ENAH: variants seen among roughly 807,000 people sequenced by gnomAD.
ENAH encodes the protein protein enabled homolog.
Under a neutral mutation model 78.7 loss-of-function variants are expected in ENAH, and 23 were observed. The observed-to-expected ratio is 0.29, with a 90% CI of 0.21 to 0.41. The LOEUF (loss-of-function observed/expected upper bound fraction) is 0.41, where lower values mean the gene tolerates loss of function less well. Ranked by LOEUF, ENAH falls within the 10% of genes least tolerant of loss-of-function variation. The pLI, the probability that ENAH is intolerant of heterozygous loss-of-function variation, is 1.00. For missense variants in ENAH, 544 were observed against 691.0 expected (o/e 0.79, Z 2.39); for synonymous variants, 226 against 241.0 (o/e 0.94, Z 0.58).
intron 1 of ENAH, chr1:225,581,202 T>C (rs536836202): frequency 6.5e-5 from 54 of 828,678 alleles, no homozygotes; most frequent in Non-Finnish European, 7.6e-5. Context: ...CTTAATAAAT[T>C]CTCCCATTAA....
At chr1:225,621,797 G>C (rs1657018896) in intron 1 of ENAH, among the ~76,000 whole-genome samples, 1 of 152,048 alleles carries the variant, frequency 6.6e-6, no homozygotes. Flanking sequence ...CACAGCTTCA[G>C]TTTCACCTAA....
At chr1:225,545,457 C>A (rs1427303684) in intron 3 of ENAH, among the ~76,000 whole-genome samples, 1 of 152,106 alleles carries the variant, frequency 6.6e-6, no homozygotes, top group Non-Finnish European at 1.5e-5. Flanking sequence ...TACTAAATAA[C>A]TAAATTACAT....
chr1:225,616,661 A>G (rs1655760907), intron 1 of ENAH, among the ~76,000 whole-genome samples: 2 of 152,190 alleles, frequency 1.3e-5, no homozygotes, highest in African/African-American at 4.8e-5. Flanking sequence ...CTCAAAAATC[A>G]AAAGTGATAC....
In ENAH at chr1:225,494,009, G is replaced by C. The variant is rs987467258; in HGVS notation, c.*3766C>G. On this transcript the variant is annotated 3_prime_UTR_variant, in exon 14 of 14. Transcript: ENST00000366843. ...AATGACAAGTGACTTTTAATTTGTA[G>C]ACAAAAATACTGACTTACATATGAA... is the stretch of plus-strand genomic sequence containing the variant. 3.1e-5 allele frequency: 3 copies of C among 96,972 alleles called. No individual in the cohort carries two copies. Among genetic ancestry groups the C allele is most frequent in the African/African-American group, 1.2e-4 (3 of 25,310 alleles). 6.0% of individuals were successfully genotyped at this position (96,972 alleles called of 1,614,324 possible).
intron 3 of ENAH, among the ~76,000 whole-genome samples, chr1:225,551,863 T>G (rs1194886917): frequency 6.6e-6 from 1 of 152,192 alleles, no homozygotes; most frequent in Non-Finnish European, 1.5e-5. Context: ...TTTATCAGGC[T>G]ACAGTTTGTA....
intron 1 of ENAH, among the ~76,000 whole-genome samples, chr1:225,638,675 A>C (rs1218076303): frequency 1.3e-5 from 2 of 152,226 alleles, no homozygotes; most frequent in Non-Finnish European, 2.9e-5. Context: ...TTCCAAGAGC[A>C]ATGGGAAGGC....
Position 225,640,015 on chromosome 1 carries a change from T to C in ENAH, c.5+12671A>G, listed in dbSNP as rs527977189. 2.7e-4 allele frequency among the ~76,000 whole-genome samples: 41 copies of C among 152,262 alleles called. No homozygotes were observed. The South Asian group carries it at 6.4e-3, about 24-fold the overall frequency. On this transcript the variant is annotated intron_variant, in intron 1 of 13. Coordinates refer to ENST00000366843, the MANE Select transcript of ENAH (RefSeq NM_018212.6). ...TTGGAGCTGAAAGCATTTTAACAGA[T>C]TGTAAATTAATAACTGGAGAACTAA...
intron 1 of ENAH, among the ~76,000 whole-genome samples, chr1:225,638,296 C>G (rs1274849780): frequency 6.6e-6 from 1 of 151,938 alleles, no homozygotes; most frequent in Non-Finnish European, 1.5e-5. Flanking sequence ...ATAGCTAGGA[C>G]TACAGGTGTG....
intron 11 of ENAH, among the ~76,000 whole-genome samples, chr1:225,504,829 G>A (rs2096313036): frequency 6.6e-6 from 1 of 152,052 alleles, no homozygotes; most frequent in Admixed American, 6.5e-5. Context: ...ATTTATCCTT[G>A]AATCCAACTG....
intron 3 of ENAH, among the ~76,000 whole-genome samples, chr1:225,532,855 G>A (rs1395459187): frequency 6.6e-6 from 1 of 152,072 alleles, no homozygotes; most frequent in Non-Finnish European, 1.5e-5. Flanking sequence ...CTGCAGCTGA[G>A]ATGAAAAGCT....
Position 225,488,521 on chromosome 1 carries a change from A to T in ENAH, c.*9254T>A, listed in dbSNP as rs1277608886. The T allele has an allele frequency of 6.6e-6, 1 of 150,676 alleles. No individual in the cohort carries two copies. The highest frequency in any genetic ancestry group is 2.4e-5 in the African/African-American group (1 of 40,862). The allele number at this position is 150,676 out of a possible 1,614,324, so 9.3% of individuals were successfully genotyped here. A position where few individuals can be genotyped will look rare whatever the true frequency, so the allele number is the denominator to read the frequency against. On this transcript the variant is annotated 3_prime_UTR_variant, in exon 14 of 14. Transcript: ENST00000366843. ...CTCCAGAGAGGTTTCCTCAAAAATT[A>T]AAAAAAAAATTCTATGCAAATATGT... is the stretch of plus-strand genomic sequence containing the variant.
chr1:225,591,108 A>ATAT (rs2096873384), intron 1 of ENAH, among the ~76,000 whole-genome samples: 1 of 152,244 alleles, frequency 6.6e-6, no homozygotes, highest in Non-Finnish European at 1.5e-5. Context: ...GTTGCTAAGC[A>ATAT]TATTTTGTGT....
rs1412762878 is a variant in ENAH at position 225,514,692 on chromosome 1, T to C, written c.1122A>G (p.Ala374=). ...ACATGGATGCCAAAAAGAATCCAGA[T>C]GCAGGGAGGGGTGGGGCAGGAGGTG... is the stretch of plus-strand genomic sequence containing the variant. The part of the protein sequence containing the change: ...PPPPPAPPLP[A]SGFFLASMSE... Residue 374 remains alanine (A), a synonymous_variant, in exon 7 of 14, where the codon GCA becomes GCG. Coordinates refer to ENST00000366843, the MANE Select transcript of ENAH (RefSeq NM_018212.6). 2.0e-6 allele frequency: 3 copies of C among 1,531,328 alleles called. No individual in the cohort carries two copies. The highest frequency in any genetic ancestry group is 1.1e-5 in the South Asian group (1 of 89,448). 94.9% of individuals were successfully genotyped at this position (1,531,328 alleles called of 1,614,324 possible).
At chr1:225,579,279 T>G (rs1440748249) in intron 1 of ENAH, among the ~76,000 whole-genome samples, 1 of 152,252 alleles carries the variant, frequency 6.6e-6, no homozygotes, top group Non-Finnish European at 1.5e-5. Flanking sequence ...TTTCTATTAT[T>G]TCCACATTAT....
chr1:225,516,000 C>T (rs951712343), intron 6 of ENAH, among the ~76,000 whole-genome samples: 1 of 152,156 alleles, frequency 6.6e-6, no homozygotes, highest in East Asian at 1.9e-4. Context: ...ACAGCAATAA[C>T]AAGCCTTGCA....
chr1:225,552,536 AAC>A (rs1370768983), intron 3 of ENAH, among the ~76,000 whole-genome samples: 1 of 152,232 alleles, frequency 6.6e-6, no homozygotes, highest in East Asian at 1.9e-4. Context: ...AATTTATGAA[AAC>A]AGTCATTTTC....
At chr1:225,504,088 C>G (rs944300643) in intron 11 of ENAH, among the ~76,000 whole-genome samples, 2 of 151,806 alleles carry the variant, frequency 1.3e-5, no homozygotes, top group African/African-American at 4.8e-5. Context: ...CTCACTGCAG[C>G]CTCTAACTCC....
intron 3 of ENAH, chr1:225,530,949 T>G (rs949197740): frequency 2.5e-6 from 1 of 406,600 alleles, no homozygotes; most frequent in Non-Finnish European, 4.3e-6. Context: ...CACCTAAGCT[T>G]GACAGTTTCT....
chr1:225,562,555 G>C (rs1467162549), intron 2 of ENAH, among the ~76,000 whole-genome samples: 1 of 105,778 alleles, frequency 9.5e-6, no homozygotes, highest in African/African-American at 3.8e-5. Context: ...CTGGGCGACA[G>C]AGCGAGACTG....
Sources: gnomAD v4.1 joint callset for allele counts (sites outside exome capture counted in the v4.1 genomes callset) on GRCh38, gnomAD v4.1.1 for gene constraint, MANE v1.5 for transcripts, NCBI Gene and HGNC (gene_info 2026-07-23, HGNC 2026-07-21) for gene names.